Variants in ARHGAP28 observed in about 807,000 individuals in gnomAD.
The protein encoded by ARHGAP28 is rho GTPase-activating protein 28.
Under a neutral mutation model 90.7 loss-of-function variants are expected in ARHGAP28, and 56 were observed. The ratio of observed to expected loss-of-function variants is 0.62; its 90% CI spans 0.50 to 0.77. ARHGAP28 has a LOEUF of 0.77. Ranked by LOEUF, ARHGAP28 falls within the 30% of genes least tolerant of loss-of-function variation. The pLI, the probability that ARHGAP28 is intolerant of heterozygous loss-of-function variation, is 0.00. For missense variants in ARHGAP28, 869 were observed against 900.9 expected (o/e 0.96, Z 0.45); for synonymous variants, 308 against 323.3 (o/e 0.95, Z 0.51).
At chr18:6,846,666 C>T (rs1268610670) in intron 3 of ARHGAP28, among the ~76,000 whole-genome samples, 2 of 152,204 alleles carry the variant, frequency 1.3e-5, no homozygotes, top group African/African-American at 4.8e-5. Flanking sequence ...TGTCCCCATT[C>T]CCCTTACTGC....
intron 1 of ARHGAP28, among the ~76,000 whole-genome samples, chr18:6,807,215 G>C (rs2056525265): frequency 6.6e-6 from 1 of 152,028 alleles, no homozygotes; most frequent in South Asian, 2.1e-4. Flanking sequence ...ATTTTCGCTG[G>C]CTTCTTAAAC....
intron 3 of ARHGAP28, among the ~76,000 whole-genome samples, chr18:6,839,632 T>C (rs2056788728): frequency 6.6e-6 from 1 of 152,174 alleles, no homozygotes; most frequent in South Asian, 2.1e-4. Context: ...TGCAAGTTTC[T>C]AAGTCAGCCT....
At chr18:6,851,509 G>A (rs1287216285) in intron 4 of ARHGAP28, among the ~76,000 whole-genome samples, 1 of 152,048 alleles carries the variant, frequency 6.6e-6, no homozygotes, top group African/African-American at 2.4e-5. Flanking sequence ...TATCCACTTG[G>A]CAGCATCTTA....
chr18:6,870,421 T>C (rs1379421139), intron 6 of ARHGAP28, among the ~76,000 whole-genome samples, 169 bp from the exon 7 acceptor site: 1 of 152,252 alleles, frequency 6.6e-6, no homozygotes, highest in Admixed American at 6.5e-5. Context: ...GATGCGACAC[T>C]GTTGTTTAAC....
intron 1 of ARHGAP28, among the ~76,000 whole-genome samples, chr18:6,800,737 A>T (rs931251097): frequency 1.3e-5 from 2 of 152,182 alleles, no homozygotes; most frequent in African/African-American, 4.8e-5. Context: ...GAGGGATAGC[A>T]TTAGGAGAAA....
intron 7 of ARHGAP28, among the ~76,000 whole-genome samples, chr18:6,872,096 T>C (rs533940743): frequency 6.6e-6 from 1 of 152,314 alleles, no homozygotes; most frequent in Non-Finnish European, 1.5e-5. Context: ...GAGAGAAGCC[T>C]GCAGGACTCT....
At chr18:6,789,015 A>G (rs1192572459) in intron 1 of ARHGAP28, 3 of 152,196 alleles carry the variant, frequency 2.0e-5, no homozygotes, top group African/African-American at 4.8e-5. Context: ...TAAAGGATAA[A>G]TGTATTACTT....
At chr18:6,737,764 A>C (rs1341789184) in intron 1 of ARHGAP28, among the ~76,000 whole-genome samples, 1 of 152,240 alleles carries the variant, frequency 6.6e-6, no homozygotes, top group East Asian at 1.9e-4. Flanking sequence ...TAAAGTGTAC[A>C]AAAACTTCAA....
rs576620423 is a variant in ARHGAP28 at position 6,816,601 on chromosome 18, C to A, written c.123-8161C>A. ...TTCCTCTTCTCTAGTAGAGGGAAGG[C>A]GAAATCTTTGGTTTTGGTATATTCT... On this transcript the variant is annotated intron_variant, in intron 1 of 17. Coordinates refer to ENST00000383472, the MANE Select transcript of ARHGAP28 (RefSeq NM_001366230.1). 1.0e-3 allele frequency among the ~76,000 whole-genome samples: 155 copies of A among 152,204 alleles called. 1 individual carries two copies. Among genetic ancestry groups the A allele is most frequent in the African/African-American group, 3.6e-3 (150 of 41,524 alleles).
chr18:6,807,078 G>A (rs968188662), intron 1 of ARHGAP28, among the ~76,000 whole-genome samples: 1 of 151,934 alleles, frequency 6.6e-6, no homozygotes, highest in African/African-American at 2.4e-5. Context: ...GGTGCACCAT[G>A]GTGTTGTTTT....
chr18:6,791,457 C>G (rs1441707679), intron 1 of ARHGAP28: 1 of 152,120 alleles, frequency 6.6e-6, no homozygotes, highest in Admixed American at 6.5e-5. Flanking sequence ...CAGAATTAAC[C>G]ATCACATAAA....
intron 1 of ARHGAP28, among the ~76,000 whole-genome samples, chr18:6,747,071 C>CTT (rs5822923): frequency 5.0e-5 from 7 of 138,698 alleles, no homozygotes; most frequent in East Asian, 2.2e-4. Flanking sequence ...CATTTATTTT[C>CTT]TTTTTTTTTT....
intron 1 of ARHGAP28, among the ~76,000 whole-genome samples, chr18:6,780,400 A>G (rs2056314955): frequency 6.6e-6 from 1 of 152,242 alleles, no homozygotes; most frequent in African/African-American, 2.4e-5. Context: ...GCTGGGTATT[A>G]TACGTGATCT....
At position 6,915,420 on chromosome 18, in the gene ARHGAP28, A is replaced by G. The variant is rs566435997; in HGVS notation, c.*3266A>G. On this transcript the variant is annotated 3_prime_UTR_variant, in exon 18 of 18. Coordinates refer to ENST00000383472, the MANE Select transcript of ARHGAP28 (RefSeq NM_001366230.1). ...TAGTTTCTCTGACAGGCAGTTTTTA[A>G]CTGTTTTCCACAAATAAAAATAATA... 11 of 152,194 alleles carry G rather than the reference A, an allele frequency of 7.2e-5. No individual in the cohort carries two copies. Among genetic ancestry groups the G allele is most frequent in the Non-Finnish European group, 1.3e-4 (9 of 68,028 alleles). 9.4% of individuals were successfully genotyped at this position (152,194 alleles called of 1,614,324 possible). A position where few individuals can be genotyped will look rare whatever the true frequency, so the allele number is the denominator to read the frequency against.
chr18:6,883,829 G>A (rs555842325), intron 11 of ARHGAP28, among the ~76,000 whole-genome samples: 74 of 152,104 alleles, frequency 4.9e-4, no homozygotes, highest in Middle Eastern at 3.4e-3. Context: ...CATGCTGTCC[G>A]TGACCAGTAT....
chr18:6,887,072 C>T (rs2057227516), intron 11 of ARHGAP28, 85 bp from the exon 12 acceptor site: 5 of 1,247,636 alleles, frequency 4.0e-6, no homozygotes, highest in South Asian at 1.2e-5. Context: ...AGGAGCCCTC[C>T]TGTGCCACCA....
chr18:6,886,044 A>G (rs535497897), intron 11 of ARHGAP28, among the ~76,000 whole-genome samples: 1 of 152,258 alleles, frequency 6.6e-6, no homozygotes, highest in African/African-American at 2.4e-5. Context: ...TTTCTTCAAC[A>G]ATATGATCCT....
At chr18:6,803,022 TATGATATCTACA>T (rs2143637677) in intron 1 of ARHGAP28, among the ~76,000 whole-genome samples, 1 of 152,266 alleles carries the variant, frequency 6.6e-6, no homozygotes, top group East Asian at 1.9e-4. Flanking sequence ...ATAAATTTTT[TATGATATCTACA>T]TATAGCTAGT....
chr18:6,813,070 A>C (rs1376174374), intron 1 of ARHGAP28, among the ~76,000 whole-genome samples: 1 of 152,214 alleles, frequency 6.6e-6, no homozygotes, highest in Non-Finnish European at 1.5e-5. Context: ...TGTGAATAAT[A>C]AGAATGTGGA....
Sources: allele counts gnomAD v4.1 joint callset (sites outside exome capture counted in the v4.1 genomes callset), GRCh38; gene constraint gnomAD v4.1.1; transcripts MANE v1.5; gene names NCBI Gene and HGNC (gene_info 2026-07-23, HGNC 2026-07-21).